Variants in NEMF observed in about 807,000 individuals in gnomAD.
The protein encoded by NEMF is nuclear export mediator factor, also known as ribosome quality control complex subunit NEMF.
In NEMF, 89 loss-of-function variants were observed where a neutral mutation model predicts 162.2. The observed-to-expected ratio is 0.55, with a 90% CI of 0.46 to 0.65. The LOEUF is 0.65. NEMF is among the 30% of genes least tolerant of loss of function. The pLI is 0.00. For synonymous variants in NEMF, 421 were observed against 404.5 expected (o/e 1.04, Z -0.49); for missense variants, 1,133 against 1,261.9 (o/e 0.90, Z 1.55).
rs754917189 is a variant in NEMF at position 49,783,418 on chromosome 14, C to CA, written c.*1217dup. ...TCACATTATGACGAAGCTGGAAAAA[C>CA]AAAGTGTGGAGGGACCAACAACTGT... On this transcript the variant is annotated 3_prime_UTR_variant, in exon 33 of 33. Transcript: ENST00000298310. 1 of 151,602 alleles carries CA rather than the reference C, an allele frequency of 6.6e-6. No homozygotes were observed. Among genetic ancestry groups the CA allele is most frequent in the East Asian group, 1.9e-4 (1 of 5,178 alleles). The allele number at this position is 151,602 out of a possible 1,614,324, so 9.4% of individuals were successfully genotyped here. A position where few individuals can be genotyped will look rare whatever the true frequency, so the allele number is the denominator to read the frequency against.
intron 8 of NEMF, among the ~76,000 whole-genome samples, chr14:49,832,763 G>A (rs1892708194): frequency 6.6e-6 from 1 of 152,082 alleles, no homozygotes; most frequent in African/African-American, 2.4e-5. Context: ...AAGCTACTAG[G>A]TAATTCAAAA....
At chr14:49,836,611 A>C (rs182558139) in intron 6 of NEMF, among the ~76,000 whole-genome samples, 1 of 152,198 alleles carries the variant, frequency 6.6e-6, no homozygotes. Flanking sequence ...GTGGCACCGC[A>C]CTTCAGCCTG....
At chr14:49,826,540 C>CAAAAAAAAA (rs5808517) in intron 15 of NEMF, among the ~76,000 whole-genome samples, 1 of 73,546 alleles carries the variant, frequency 1.4e-5, no homozygotes, top group Admixed American at 1.5e-4. Flanking sequence ...GCATTACAAG[C>CAAAAAAAAA]AAAAAAAAAA....
chr14:49,807,481 C>T lies in NEMF; in HGVS notation c.1745-1348G>A, dbSNP rs1286065493. On this transcript the variant is annotated intron_variant, in intron 18 of 32. Coordinates refer to ENST00000298310, the MANE Select transcript of NEMF (RefSeq NM_004713.6). ...TTCCCACAGCAGCTGTATCATTGTC[C>T]ATTCCTACCAGCAGTATTCTATGTT... Among the ~76,000 whole-genome samples the T allele has an allele frequency of 5.3e-5, 8 of 152,226 alleles. No individual in the cohort carries two copies. The East Asian group carries it at 1.3e-3, about 26-fold the overall frequency.
At position 49,831,300 on chromosome 14, in the gene NEMF, T is replaced by C. The variant is rs769229852; in HGVS notation, c.944A>G (p.Gln315Arg). Residue 315 changes from glutamine (Q) to arginine (R), a missense_variant and splice_region_variant, in exon 11 of 33, where the codon CAG (glutamine) becomes CGG (arginine). Physicochemically the swap from Gln to Arg is conservative, Grantham distance 43. Transcript: ENST00000298310. ...GQKIDLKALQ[Q>R]EKQALKKLDN... ...ATATGTGTTTTTAATAATACATACC[T>C]GTTGTAAAGCTTTTAAGTCAATTTT... The C allele has an allele frequency of 2.6e-6, 4 of 1,541,736 alleles. No homozygotes were observed. The highest frequency in any genetic ancestry group is 3.6e-6 in the Non-Finnish European group (4 of 1,114,834).
At chr14:49,815,108 A>T (rs1033976801) in intron 16 of NEMF, among the ~76,000 whole-genome samples, 4 of 152,220 alleles carry the variant, frequency 2.6e-5, no homozygotes, top group African/African-American at 7.2e-5. Context: ...TAGCCTTCTT[A>T]AACTCAACTT....
At chr14:49,827,670 G>A (rs1892426504) in intron 15 of NEMF, among the ~76,000 whole-genome samples, 1 of 152,144 alleles carries the variant, frequency 6.6e-6, no homozygotes, top group Admixed American at 6.5e-5. Context: ...AAAATTAGCT[G>A]GGTGTGGTGG....
At position 49,795,830 on chromosome 14, in the gene NEMF, T is replaced by C. The variant is rs142838359; in HGVS notation, c.2580A>G (p.Lys860=). The C allele has an allele frequency of 2.5e-6, 4 of 1,613,158 alleles. No homozygotes were observed. The South Asian group carries it at 4.4e-5, about 18-fold the overall frequency. Residue 860 remains lysine, a synonymous_variant, in exon 26 of 33, where the codon AAA becomes AAG. Transcript: ENST00000298310. ...TCATTGGCTGCACAGCCGCAACATT[T>C]TTGCTTGTGTTCTGATGAGTTTCAA... The part of the protein sequence containing the change: ...VHIETHQNTS[K]NVAAVQPMKR...
At chr14:49,811,790 G>A (rs3126191) in intron 18 of NEMF, among the ~76,000 whole-genome samples, 151,758 of 152,326 alleles carry the variant, frequency 1, 75,599 homozygotes, top group Middle Eastern at 1. Context: ...GATAAATTAC[G>A]CTTTGTCATC....
chr14:49,795,647 G>GT lies in NEMF; in HGVS notation c.2619+143dup, dbSNP rs1267058493. 6.0e-6 allele frequency: 4 copies of GT among 671,630 alleles called. No homozygotes were observed. The African/African-American group carries it at 7.3e-5, about 12-fold the overall frequency. 41.6% of individuals were successfully genotyped at this position (671,630 alleles called of 1,614,324 possible). On this transcript the variant is annotated intron_variant, in intron 26 of 32. Coordinates refer to ENST00000298310, the MANE Select transcript of NEMF (RefSeq NM_004713.6). ...GTGATCTCTGTGTTCCCTAAATGCTGTATCTACTCAACTAATTTTTAGTCA... is the reference window on the plus strand; with the variant it reads ...GTGATCTCTGTGTTCCCTAAATGCTGTTATCTACTCAACTAATTTTTAGTCA...
chr14:49,835,060 C>A (rs1187933699), intron 6 of NEMF, among the ~76,000 whole-genome samples: 1 of 151,946 alleles, frequency 6.6e-6, no homozygotes, highest in Non-Finnish European at 1.5e-5. Flanking sequence ...ATTAGCCAGG[C>A]GTGGTGGCAC....
In NEMF at chr14:49,794,903, G is replaced by C. The variant is rs190491261; in HGVS notation, c.2619+888C>G. Among the ~76,000 whole-genome samples the C allele has an allele frequency of 2.5e-3, 380 of 152,020 alleles. 1 individual carries two copies. The highest frequency in any genetic ancestry group is 8.8e-3 in the African/African-American group (364 of 41,486). The stretch of plus-strand genomic sequence containing the variant: ...CTGGCTAATTTTTCTATATTTAGTA[G>C]AGATAGGGTTCACCATGTTGGATAG... On this transcript the variant is annotated intron_variant, in intron 26 of 32. Coordinates refer to ENST00000298310, the MANE Select transcript of NEMF (RefSeq NM_004713.6).
In NEMF at chr14:49,813,818, G is replaced by T. The variant is rs1052753424; in HGVS notation, c.1744+170C>A. ...GAGGTTTCACTTTCTTGCCCAGTCT[G>T]GTCTCAAACTCCTGGCCTCAAATAA... On this transcript the variant is annotated intron_variant, in intron 18 of 32. Transcript: ENST00000298310. Among the ~76,000 whole-genome samples, 4 of 152,014 alleles carry T rather than the reference G, an allele frequency of 2.6e-5. No individual in the cohort carries two copies. In the East Asian group the frequency reaches 7.7e-4, roughly 29 times the overall value.
chr14:49,836,123 C>T (rs2139992726), intron 6 of NEMF, among the ~76,000 whole-genome samples: 1 of 152,160 alleles, frequency 6.6e-6, no homozygotes, highest in South Asian at 2.1e-4. Context: ...CTACTAAAAA[C>T]ACAAAACTTA....
intron 3 of NEMF, among the ~76,000 whole-genome samples, chr14:49,851,154 A>C (rs898899670): frequency 1.3e-5 from 2 of 152,228 alleles, no homozygotes; most frequent in African/African-American, 4.8e-5. Context: ...CAGTGAGCCA[A>C]GACTGTGCCA....
intron 8 of NEMF, among the ~76,000 whole-genome samples, chr14:49,832,974 C>T (rs1842371337): frequency 6.6e-6 from 1 of 152,066 alleles, no homozygotes; most frequent in Admixed American, 6.6e-5. Context: ...ACTTTTAAAA[C>T]ACTATCCTGG....
intron 16 of NEMF, chr14:49,820,560 G>C (rs1891956397): frequency 6.6e-6 from 3 of 453,406 alleles, no homozygotes; most frequent in South Asian, 4.7e-5. Context: ...CTTGAGGTCA[G>C]GAGTTCGAGA....
At chr14:49,792,986 A>G (rs897324727) in intron 26 of NEMF, among the ~76,000 whole-genome samples, 3 of 152,146 alleles carry the variant, frequency 2.0e-5, no homozygotes, top group Admixed American at 6.5e-5. Flanking sequence ...GTCTCAAAAA[A>G]ACAAACAAAA....
At position 49,846,284 on chromosome 14, in the gene NEMF, A is replaced by G; in HGVS notation, c.232-19T>C. On this transcript the variant is annotated intron_variant, in intron 3 of 32. Transcript: ENST00000298310. ...TTCGGCACTAGCAAGAGAAAGAAAA[A>G]GGCATTCATTTAGTAAAAGTGAATT... 6.2e-7 allele frequency: 1 copy of G among 1,605,516 alleles called. No homozygotes were observed. Among genetic ancestry groups the G allele is most frequent in the Non-Finnish European group, 8.5e-7 (1 of 1,177,938 alleles).
Sources: allele counts gnomAD v4.1 joint callset (sites outside exome capture counted in the v4.1 genomes callset), GRCh38; gene constraint gnomAD v4.1.1; transcripts MANE v1.5; gene names NCBI Gene and HGNC (gene_info 2026-07-23, HGNC 2026-07-21).